Variants in KDM4B observed in about 807,000 individuals in gnomAD.
The protein encoded by KDM4B is lysine demethylase 4B.
Under a neutral mutation model 125.2 loss-of-function variants are expected in KDM4B, and 32 were observed. That is an observed-to-expected ratio of 0.26 (90% CI 0.19 to 0.34). KDM4B has a LOEUF of 0.34. KDM4B is among the 10% of genes least tolerant of loss of function. The pLI is 1.00. For missense variants in KDM4B, 1,190 were observed against 1,577.7 expected, an observed-to-expected ratio of 0.75 and a Z score of 4.16; for synonymous variants, 721 against 677.9, an observed-to-expected ratio of 1.06 and a Z score of -0.99.
chr19:5,129,224 AG>A (rs2039502239), intron 11 of KDM4B, among the ~76,000 whole-genome samples: 2 of 151,266 alleles, frequency 1.3e-5, no homozygotes, highest in African/African-American at 4.9e-5. Flanking sequence ...CTCCTGGGGG[AG>A]GCTGTGGGCT....
In KDM4B at chr19:5,071,683, T is replaced by C. The variant is rs558441602; in HGVS notation, c.676+624T>C. 7.2e-4 allele frequency among the ~76,000 whole-genome samples: 109 copies of C among 152,256 alleles called. 1 individual carries two copies. Among genetic ancestry groups the C allele is most frequent in the Non-Finnish European group, 5.0e-4 (34 of 68,002 alleles). On this transcript the variant is annotated intron_variant, in intron 7 of 22. Coordinates refer to ENST00000159111, the MANE Select transcript of KDM4B (RefSeq NM_015015.3). ...CCAGATCCTCAGGTTGTGGGATACTTGGAAACAAGTCAGACAGCTGGAGAC... is the reference window on the plus strand; with the variant it reads ...CCAGATCCTCAGGTTGTGGGATACTCGGAAACAAGTCAGACAGCTGGAGAC...
chr19:5,101,928 C>T (rs2038943558), intron 9 of KDM4B, among the ~76,000 whole-genome samples: 1 of 152,196 alleles, frequency 6.6e-6, no homozygotes, highest in Admixed American at 6.5e-5. Context: ...CCAGTGTCCC[C>T]AGCCCAGACA....
At chr19:5,047,705 C>T (rs746159971) in intron 6 of KDM4B, 36 bp downstream of exon 6, 11 of 1,598,950 alleles carry the variant, frequency 6.9e-6, no homozygotes, top group East Asian at 2.2e-5. Flanking sequence ...CCGGCCGGAC[C>T]GAGAGCCCCT....
At chr19:5,021,152 A>AG (rs2036106367) in intron 2 of KDM4B, among the ~76,000 whole-genome samples, 2 of 115,848 alleles carry the variant, frequency 1.7e-5, no homozygotes, top group Non-Finnish European at 1.8e-5. Context: ...AAAAAAAAAA[A>AG]AAAAAGAAAG....
Position 5,131,988 on chromosome 19 carries a change from G to A in KDM4B, c.1887G>A (p.Gln629=). 5 of 1,610,056 alleles carry A rather than the reference G, an allele frequency of 3.1e-6. No individual in the cohort carries two copies. Among genetic ancestry groups the A allele is most frequent in the Non-Finnish European group, 4.2e-6 (5 of 1,178,684 alleles). Residue 629 remains glutamine, a synonymous_variant, in exon 13 of 23, where the codon CAG becomes CAA. Transcript: ENST00000159111. The stretch of plus-strand genomic sequence containing the variant: ...GGTCCCCACTGTCGGTGGTGAAGCA[G>A]GAGGCCTCAAGTGACGAGGGTGAGT... The part of the protein sequence containing the change: ...PTRSPLSVVK[Q]EASSDEEASP...
rs922347721 is a variant in KDM4B, at chr19:5,099,800, C to T, written c.919-10822C>T. Among the ~76,000 whole-genome samples the T allele has an allele frequency of 3.9e-5, 6 of 152,344 alleles. No homozygotes were observed. In the South Asian group the frequency reaches 1.2e-3, roughly 32 times the overall value. On this transcript the variant is annotated intron_variant, in intron 9 of 22. Coordinates refer to ENST00000159111, the MANE Select transcript of KDM4B (RefSeq NM_015015.3). The stretch of plus-strand genomic sequence containing the variant: ...AGAGGAGGACACAGTGAGAAGGCAC[C>T]ATCTAAGAACCAGGAAGTGACCCTC...
At chr19:4,977,289 C>G (rs1266954138) in intron 1 of KDM4B, among the ~76,000 whole-genome samples, 1 of 152,206 alleles carries the variant, frequency 6.6e-6, no homozygotes, top group Non-Finnish European at 1.5e-5. Context: ...CTGAGAATCC[C>G]GAGGCCGACT....
At chr19:5,010,893 C>G (rs754630637) in intron 1 of KDM4B, among the ~76,000 whole-genome samples, 1 of 152,196 alleles carries the variant, frequency 6.6e-6, no homozygotes, top group Non-Finnish European at 1.5e-5. Context: ...AGTGACCCAC[C>G]TGCCTCGGCC....
intron 18 of KDM4B, 85 bp from the exon 19 acceptor site, chr19:5,143,882 C>T: frequency 9.1e-7 from 1 of 1,103,888 alleles, no homozygotes; most frequent in Non-Finnish European, 1.3e-6. Flanking sequence ...CCCTTGAAGG[C>T]TGTGCCGGGA....
chr19:5,084,612 T>TAA (rs1381486172), intron 9 of KDM4B, among the ~76,000 whole-genome samples: 1 of 143,924 alleles, frequency 6.9e-6, no homozygotes, highest in African/African-American at 2.5e-5. Context: ...ATTATATATA[T>TAA]AACATAATTT....
chr19:5,147,538 G>T (rs1205843568), intron 21 of KDM4B, among the ~76,000 whole-genome samples: 3 of 151,892 alleles, frequency 2.0e-5, no homozygotes, highest in African/African-American at 7.3e-5. Flanking sequence ...TGAGCACAGG[G>T]GTTCGAGACC....
Position 5,143,113 on chromosome 19 carries a change from C to T in KDM4B, c.2551-854C>T, listed in dbSNP as rs188193115. On this transcript the variant is annotated intron_variant, in intron 18 of 22. Coordinates refer to ENST00000159111, the MANE Select transcript of KDM4B (RefSeq NM_015015.3). The stretch of plus-strand genomic sequence containing the variant: ...GGTCAAGGCGGGAGGATCCCTTGAG[C>T]TCAGGAGTTTGAGAGCAGCCTGGAC... Among the ~76,000 whole-genome samples the T allele has an allele frequency of 2.5e-3, 378 of 152,182 alleles. 2 individuals are homozygous for T. The highest frequency in any genetic ancestry group is 2.5e-3 in the Non-Finnish European group (173 of 67,990).
At chr19:5,091,256 G>A (rs2038696935) in intron 9 of KDM4B, among the ~76,000 whole-genome samples, 1 of 152,210 alleles carries the variant, frequency 6.6e-6, no homozygotes, top group African/African-American at 2.4e-5. Context: ...GCCACGGGGA[G>A]AGTTGACTGA....
At chr19:4,973,233 G>T (rs2145278614) in intron 1 of KDM4B, among the ~76,000 whole-genome samples, 1 of 152,268 alleles carries the variant, frequency 6.6e-6, no homozygotes, top group African/African-American at 2.4e-5. Context: ...CTGTCACCCA[G>T]GCTGGAGTAC....
At chr19:5,028,703 G>A (rs1599449990) in intron 2 of KDM4B, among the ~76,000 whole-genome samples, 1 of 152,198 alleles carries the variant, frequency 6.6e-6, no homozygotes. Flanking sequence ...GCCTGTGTTC[G>A]AGGGCCCCAA....
chr19:4,969,558 A>T (rs2034172554), intron 1 of KDM4B, among the ~76,000 whole-genome samples: 1 of 151,268 alleles, frequency 6.6e-6, no homozygotes, highest in Non-Finnish European at 1.5e-5. Context: ...CGCCCCGCAC[A>T]AAAGATGACA....
At chr19:5,121,533 C>T (rs967238758) in intron 11 of KDM4B, among the ~76,000 whole-genome samples, 4 of 152,280 alleles carry the variant, frequency 2.6e-5, no homozygotes, top group East Asian at 1.9e-4. Flanking sequence ...AACCCAATCT[C>T]GCCCCTCATC....
intron 10 of KDM4B, chr19:5,111,581 T>C (rs757407617): frequency 6.7e-6 from 5 of 744,594 alleles, no homozygotes; most frequent in Non-Finnish European, 1.2e-5. Context: ...CTCTGGGAAG[T>C]GTCCAGGCTT....
intron 6 of KDM4B, among the ~76,000 whole-genome samples, chr19:5,067,316 G>A (rs913037585): frequency 6.6e-6 from 1 of 152,120 alleles, no homozygotes; most frequent in Non-Finnish European, 1.5e-5. Flanking sequence ...TCCAGGAGTC[G>A]CTCTTCCTGC....
Sources: allele counts gnomAD v4.1 joint callset (sites outside exome capture counted in the v4.1 genomes callset), GRCh38; gene constraint gnomAD v4.1.1; transcripts MANE v1.5; gene names NCBI Gene and HGNC (gene_info 2026-07-23, HGNC 2026-07-21).